DRC1: variants seen among roughly 807,000 people sequenced by gnomAD.
The protein encoded by DRC1 is dynein regulatory complex subunit 1.
A neutral mutation model predicts 98.7 loss-of-function variants in DRC1; 74 were observed. The ratio of observed to expected loss-of-function variants is 0.75; its 90% CI spans 0.62 to 0.91. The LOEUF (loss-of-function observed/expected upper bound fraction) is 0.91, where lower values mean the gene tolerates loss of function less well. Among genes scored for constraint, DRC1 ranks in the 40% least tolerant of loss-of-function variants. The pLI is 0.00. For synonymous variants in DRC1, 336 were observed against 334.1 expected, an observed-to-expected ratio of 1.01 and a Z score of -0.06; for missense variants, 875 against 886.0, an observed-to-expected ratio of 0.99 and a Z score of 0.16.
In DRC1 at chr2:26,454,534, A is replaced by G. The variant is rs1210679429; in HGVS notation, c.1920-113A>G. The G allele has an allele frequency of 6.8e-7, 1 of 1,461,054 alleles. No homozygotes were observed. The highest frequency in any genetic ancestry group is 2.0e-5 in the Admixed American group (1 of 50,564). 90.5% of individuals were successfully genotyped at this position (1,461,054 alleles called of 1,614,324 possible). ...ACCTGCCACCGTCTAATAAACTTGG[A>G]CTGCTGAGTGGGAAGGTGACAGGTG... On this transcript the variant is annotated intron_variant, in intron 14 of 16. Transcript: ENST00000288710. The surrounding 1 kb of genome is among the most constrained non-coding windows in gnomAD (Gnocchi z 5.2).
chr2:26,449,971 G>A (rs13384527), intron 11 of DRC1, 25 bp from the exon 12 acceptor site: 3 of 1,610,676 alleles, frequency 1.9e-6, no homozygotes, highest in Admixed American at 1.7e-5. Flanking sequence ...TCCCCGACAG[G>A]AGATGCCTTC....
chr2:26,402,153 G>A lies in DRC1; in HGVS notation c.155+9G>A. ...TTAGAAGCCCGGAGGCGGTGAGCGCGGGGGCGGGCGGGGCGGGATCCGCGC... is the reference window on the plus strand; with the variant it reads ...TTAGAAGCCCGGAGGCGGTGAGCGCAGGGGCGGGCGGGGCGGGATCCGCGC... On this transcript the variant is annotated intron_variant, in intron 1 of 16. Coordinates refer to ENST00000288710, the MANE Select transcript of DRC1 (RefSeq NM_145038.5). 6.3e-7 allele frequency: 1 copy of A among 1,580,496 alleles called. No homozygotes were observed. The highest frequency in any genetic ancestry group is 1.4e-5 in the African/African-American group (1 of 73,954).
intron 7 of DRC1, among the ~76,000 whole-genome samples, chr2:26,434,681 G>A (rs1459449729): frequency 1.3e-5 from 2 of 152,098 alleles, no homozygotes; most frequent in Non-Finnish European, 2.9e-5. Context: ...CATGAGGTCG[G>A]GAGATCGAGA....
chr2:26,433,658 T>C (rs1057107001), intron 7 of DRC1, among the ~76,000 whole-genome samples: 1 of 152,138 alleles, frequency 6.6e-6, no homozygotes. Flanking sequence ...GTCCAAATAT[T>C]TGAGTGAAGC....
chr2:26,446,673 C>A (rs1040606059), intron 10 of DRC1, among the ~76,000 whole-genome samples: 1 of 152,112 alleles, frequency 6.6e-6, no homozygotes, highest in Non-Finnish European at 1.5e-5. Flanking sequence ...ACAGAACTGC[C>A]TCAGAGGAAA....
chr2:26,441,494 C>A (rs762737837), intron 8 of DRC1, among the ~76,000 whole-genome samples: 1 of 151,834 alleles, frequency 6.6e-6, no homozygotes, highest in African/African-American at 2.4e-5. Context: ...ATATATGCAC[C>A]GTACTAGATA....
chr2:26,448,753 A>G lies in DRC1; in HGVS notation c.1459A>G (p.Ile487Val). Residue 487 changes from isoleucine to valine, a missense_variant, in exon 11 of 17, where the codon ATT (isoleucine) becomes GTT (valine). Transcript: ENST00000288710. ...PESYLDLPKQ[I>V]SEKTTKRILM... ...GTCCTACCTGGATTTGCCGAAGCAA[A>G]TTTCTGAAAAAACTACCAAGAGGAT... The G allele has an allele frequency of 6.2e-7, 1 of 1,614,206 alleles. No individual in the cohort carries two copies. Among genetic ancestry groups the G allele is most frequent in the African/African-American group, 1.3e-5 (1 of 75,054 alleles).
intron 5 of DRC1, among the ~76,000 whole-genome samples, chr2:26,430,051 A>G (rs1558444152): frequency 6.6e-6 from 1 of 152,220 alleles, no homozygotes; most frequent in Non-Finnish European, 1.5e-5. Context: ...GCTAGACAAT[A>G]AACAAGTTAC....
At chr2:26,444,601 G>C in intron 9 of DRC1, 115 bp from the exon 10 acceptor site, 1 of 1,127,290 alleles carries the variant, frequency 8.9e-7, no homozygotes, top group Non-Finnish European at 1.2e-6. Context: ...CAGGGATGGG[G>C]CCAGGCCCAG....
chr2:26,452,867 A>G lies in DRC1; in HGVS notation c.1690-453A>G, dbSNP rs575239350. 1.8e-4 allele frequency among the ~76,000 whole-genome samples: 27 copies of G among 152,350 alleles called. 1 individual carries two copies. In the South Asian group the frequency reaches 4.3e-3, roughly 25 times the overall value. On this transcript the variant is annotated intron_variant, in intron 13 of 16. Transcript: ENST00000288710. ...TGGAAAGGTATGCGCATGTATTTAT[A>G]TATAAACATTATATAGACATACTAT...
At chr2:26,416,230 A>C (rs889370781) in intron 2 of DRC1, among the ~76,000 whole-genome samples, 3 of 152,052 alleles carry the variant, frequency 2.0e-5, no homozygotes, top group Non-Finnish European at 4.4e-5. Context: ...GCTGGTCCCC[A>C]CCCTTGACCC....
intron 3 of DRC1, among the ~76,000 whole-genome samples, chr2:26,423,310 A>C (rs1051073473): frequency 2.8e-5 from 4 of 142,978 alleles, no homozygotes; most frequent in Non-Finnish European, 6.1e-5. Context: ...AAATTAAAAA[A>C]GTGTCCTAGC....
chr2:26,446,589 C>T (rs1663857956), intron 10 of DRC1, among the ~76,000 whole-genome samples: 1 of 152,044 alleles, frequency 6.6e-6, no homozygotes, highest in Admixed American at 6.5e-5. Context: ...AAGTGTATCC[C>T]CTTTCTTCCA....
At chr2:26,429,858 TGA>T in intron 5 of DRC1, 93 bp downstream of exon 5, 2 of 1,339,840 alleles carry the variant, frequency 1.5e-6, no homozygotes, top group Non-Finnish European at 2.0e-6. Context: ...GGGCCCTACA[TGA>T]CTTCTCTGTC....
chr2:26,430,722 T>C (rs1363786586), intron 5 of DRC1, 64 bp from the exon 6 acceptor site: 1 of 1,553,208 alleles, frequency 6.4e-7, no homozygotes, highest in Non-Finnish European at 8.9e-7. Flanking sequence ...TGAAAGTTCT[T>C]TGACACTGGT....
intron 13 of DRC1, among the ~76,000 whole-genome samples, chr2:26,451,672 C>CA (rs1664010323): frequency 6.6e-6 from 1 of 150,996 alleles, no homozygotes; most frequent in South Asian, 2.1e-4. Flanking sequence ...GCCTGGGTGA[C>CA]AGAGTGTGAG....
intron 8 of DRC1, among the ~76,000 whole-genome samples, chr2:26,441,926 G>T (rs1457929820): frequency 6.6e-6 from 1 of 152,120 alleles, no homozygotes; most frequent in Non-Finnish European, 1.5e-5. Flanking sequence ...CCACCACCCA[G>T]CATTTCACAA....
intron 10 of DRC1, among the ~76,000 whole-genome samples, chr2:26,446,907 C>T (rs1411872512): frequency 6.6e-6 from 1 of 151,976 alleles, no homozygotes; most frequent in African/African-American, 2.4e-5. Context: ...GCCTGGCCAA[C>T]ATGGCGAAAA....
chr2:26,430,471 C>T, intron 5 of DRC1: 1 of 502,112 alleles, frequency 2.0e-6, no homozygotes, highest in Non-Finnish European at 4.0e-6. Flanking sequence ...TTGAATTACA[C>T]ACCATGGCCT....
Sources: allele counts gnomAD v4.1 joint callset (sites outside exome capture counted in the v4.1 genomes callset), GRCh38; gene constraint gnomAD v4.1.1; non-coding constraint Gnocchi (gnomAD v3.1); transcripts MANE v1.5; gene names NCBI Gene and HGNC (gene_info 2026-07-23, HGNC 2026-07-21).